NDUFAF2: variants seen among roughly 807,000 people sequenced by gnomAD.
NDUFAF2 encodes NADH:ubiquinone oxidoreductase complex assembly factor 2, also known as NADH dehydrogenase [ubiquinone] 1 alpha subcomplex assembly factor 2.
In NDUFAF2, 13 loss-of-function variants were observed where a neutral mutation model predicts 22.8. The observed-to-expected ratio is 0.57, with a 90% CI of 0.37 to 0.91. The LOEUF (loss-of-function observed/expected upper bound fraction) is 0.91, where lower values mean the gene tolerates loss of function less well. NDUFAF2 is among the 40% of genes least tolerant of loss of function. The pLI is 0.01. For synonymous variants in NDUFAF2, 53 were observed against 64.2 expected, an observed-to-expected ratio of 0.83 and a Z score of 0.84; for missense variants, 162 against 195.2, an observed-to-expected ratio of 0.83 and a Z score of 1.01.
chr5:61,005,117 G>A (rs1207771323), intron 1 of NDUFAF2, among the ~76,000 whole-genome samples: 1 of 151,992 alleles, frequency 6.6e-6, no homozygotes, highest in Non-Finnish European at 1.5e-5. Flanking sequence ...ACCCCGGTGT[G>A]CGATGTTCCC....
chr5:61,018,515 A>C (rs1751540247), intron 1 of NDUFAF2, among the ~76,000 whole-genome samples: 1 of 152,200 alleles, frequency 6.6e-6, no homozygotes, highest in South Asian at 2.1e-4. Flanking sequence ...TCATTATACC[A>C]CTGGTTTAAG....
At chr5:60,957,372 A>G (rs1750630385) in intron 1 of NDUFAF2, among the ~76,000 whole-genome samples, 1 of 152,196 alleles carries the variant, frequency 6.6e-6, no homozygotes, top group East Asian at 1.9e-4. Flanking sequence ...CTGTTTTTAA[A>G]TGTAACAATA....
intron 2 of NDUFAF2, among the ~76,000 whole-genome samples, chr5:61,075,280 G>A (rs1752353187): frequency 6.6e-6 from 1 of 151,892 alleles, no homozygotes; most frequent in South Asian, 2.1e-4. Context: ...GCATGTGAAT[G>A]TAAACATCAT....
intron 2 of NDUFAF2, among the ~76,000 whole-genome samples, chr5:61,097,325 T>A (rs530823278): frequency 6.6e-6 from 1 of 152,356 alleles, no homozygotes; most frequent in African/African-American, 2.4e-5. Flanking sequence ...TAGCCTAGCC[T>A]ACTTTAAATG....
At chr5:61,094,978 A>G (rs573537338) in intron 2 of NDUFAF2, among the ~76,000 whole-genome samples, 33 of 152,304 alleles carry the variant, frequency 2.2e-4, no homozygotes, top group Non-Finnish European at 3.7e-4. Context: ...CAGTCTAGCT[A>G]TGCTTTCATA....
intron 1 of NDUFAF2, among the ~76,000 whole-genome samples, chr5:60,995,158 G>A (rs536669276): frequency 2.0e-5 from 3 of 152,212 alleles, no homozygotes; most frequent in South Asian, 2.1e-4. Flanking sequence ...GAAAGGTCAC[G>A]TGTCTCTGTT....
At chr5:60,956,210 A>G (rs1750613941) in intron 1 of NDUFAF2, among the ~76,000 whole-genome samples, 1 of 151,890 alleles carries the variant, frequency 6.6e-6, no homozygotes, top group Admixed American at 6.6e-5. Context: ...CTCTATGTTG[A>G]CTTTGTATCC....
chr5:61,146,711 G>T (rs533436124), intron 3 of NDUFAF2, among the ~76,000 whole-genome samples: 1 of 152,208 alleles, frequency 6.6e-6, no homozygotes, highest in South Asian at 2.1e-4. Flanking sequence ...GAGCTTCTTA[G>T]ATCTGTGAAT....
chr5:61,060,974 G>C (rs151167784), intron 1 of NDUFAF2, among the ~76,000 whole-genome samples: 1 of 152,150 alleles, frequency 6.6e-6, no homozygotes, highest in African/African-American at 2.4e-5. Flanking sequence ...AAGGAATAGT[G>C]GCTCAGGAAA....
chr5:61,056,286 A>G (rs1752086220), intron 1 of NDUFAF2, among the ~76,000 whole-genome samples: 1 of 152,164 alleles, frequency 6.6e-6, no homozygotes, highest in Non-Finnish European at 1.5e-5. Flanking sequence ...AAGTAATACC[A>G]TGTGGCATAT....
At chr5:60,947,937 A>G (rs1055364108) in intron 1 of NDUFAF2, among the ~76,000 whole-genome samples, 3 of 152,160 alleles carry the variant, frequency 2.0e-5, no homozygotes, top group Non-Finnish European at 4.4e-5. Context: ...ACTAATTTGT[A>G]TATTTTCTTA....
chr5:60,955,013 T>C (rs891075473), intron 1 of NDUFAF2, among the ~76,000 whole-genome samples: 2 of 152,208 alleles, frequency 1.3e-5, no homozygotes, highest in Non-Finnish European at 2.9e-5. Context: ...TTGCAAATAT[T>C]TGTCCTATTC....
At chr5:61,063,381 A>C (rs1336957008) in intron 1 of NDUFAF2, among the ~76,000 whole-genome samples, 1 of 151,698 alleles carries the variant, frequency 6.6e-6, no homozygotes, top group Non-Finnish European at 1.5e-5. Context: ...TGTGGCACAC[A>C]CAAGCTACTC....
chr5:60,994,814 C>T (rs1751207627), intron 1 of NDUFAF2, among the ~76,000 whole-genome samples: 1 of 152,066 alleles, frequency 6.6e-6, no homozygotes, highest in Non-Finnish European at 1.5e-5. Flanking sequence ...TCATTAAGGC[C>T]AGTAACTCTT....
intron 1 of NDUFAF2, among the ~76,000 whole-genome samples, chr5:60,959,190 G>T (rs1460779953): frequency 6.6e-6 from 1 of 152,032 alleles, no homozygotes; most frequent in African/African-American, 2.4e-5. Flanking sequence ...GGAAGATCAT[G>T]ATATATAGCT....
At chr5:61,123,715 T>G (rs1474509772) in intron 3 of NDUFAF2, among the ~76,000 whole-genome samples, 1 of 152,172 alleles carries the variant, frequency 6.6e-6, no homozygotes, top group East Asian at 1.9e-4. Context: ...AATTAACTCC[T>G]GGAGACCTTC....
intron 1 of NDUFAF2, among the ~76,000 whole-genome samples, chr5:61,031,937 A>T (rs1471660403): frequency 1.3e-5 from 2 of 152,168 alleles, no homozygotes; most frequent in East Asian, 3.9e-4. Flanking sequence ...ATGAGATGGT[A>T]TCTCATTGTG....
intron 2 of NDUFAF2, among the ~76,000 whole-genome samples, chr5:61,076,169 C>T (rs1449366080): frequency 6.6e-6 from 1 of 152,174 alleles, no homozygotes; most frequent in Non-Finnish European, 1.5e-5. Flanking sequence ...CTCCCAAGTT[C>T]ACGCCATTCT....
chr5:61,075,947 A>G (rs748173702), intron 2 of NDUFAF2, among the ~76,000 whole-genome samples: 2 of 152,212 alleles, frequency 1.3e-5, no homozygotes, highest in Admixed American at 6.5e-5. Context: ...ACATTCATAG[A>G]GCTTATTTTC....
Sources: allele counts gnomAD v4.1 joint callset (sites outside exome capture counted in the v4.1 genomes callset), GRCh38; gene constraint gnomAD v4.1.1; transcripts MANE v1.5; gene names NCBI Gene and HGNC (gene_info 2026-07-23, HGNC 2026-07-21).